MYH14: variants seen among roughly 807,000 people sequenced by gnomAD.
The protein encoded by MYH14 is myosin-14.
MYH14 carries 123 observed loss-of-function variants against 255.5 expected under a neutral mutation model. The observed-to-expected ratio is 0.48, with a 90% CI of 0.42 to 0.56. The LOEUF (loss-of-function observed/expected upper bound fraction) is 0.56, where lower values mean the gene tolerates loss of function less well. Ranked by LOEUF, MYH14 falls within the 20% of genes least tolerant of loss-of-function variation. The probability of loss-of-function intolerance (pLI) is 0.00; values close to 1 mark genes in which losing one functional copy is unlikely to be tolerated. For synonymous variants in MYH14, 1,095 were observed against 1,161.2 expected (o/e 0.94, Z 1.16); for missense variants, 2,423 against 2,802.3 (o/e 0.86, Z 3.06).
intron 35 of MYH14, 26 bp downstream of exon 35, chr19:50,289,674 G>T: frequency 6.3e-7 from 1 of 1,584,422 alleles, no homozygotes; most frequent in Non-Finnish European, 8.6e-7. Context: ...AGGCCACAGG[G>T]TGCCAGTCCA....
intron 9 of MYH14, 130 bp from the exon 10 acceptor site, chr19:50,231,800 T>G (rs1305485053): frequency 2.4e-6 from 3 of 1,247,906 alleles, no homozygotes; most frequent in African/African-American, 3.0e-5. Flanking sequence ...CCCACCACAC[T>G]TGTGAGTAAA....
In MYH14 at chr19:50,292,452, A is replaced by ACAG. The variant is rs2036112492; in HGVS notation, c.5256+63_5256+64insCAG. ...TGGGAGGTGGGCAAGGCTAACCTTGAGGTCCCTGGATGTGAAGCTGGGGAG... is the reference window on the plus strand; with the variant it reads ...TGGGAGGTGGGCAAGGCTAACCTTGACAGGGTCCCTGGATGTGAAGCTGGGGAG... On this transcript the variant is annotated intron_variant, in intron 37 of 42. Coordinates refer to ENST00000642316, the MANE Select transcript of MYH14 (RefSeq NM_001145809.2). 4.5e-6 allele frequency: 6 copies of ACAG among 1,320,702 alleles called. No individual in the cohort carries two copies. The East Asian group carries it at 1.6e-4, about 35-fold the overall frequency. The allele number at this position is 1,320,702 out of a possible 1,614,324, so 81.8% of individuals were successfully genotyped here. A position where few individuals can be genotyped will look rare whatever the true frequency, so the allele number is the denominator to read the frequency against.
At chr19:50,211,240 A>G (rs2032180023) in intron 2 of MYH14, among the ~76,000 whole-genome samples, 1 of 152,158 alleles carries the variant, frequency 6.6e-6, no homozygotes, top group African/African-American at 2.4e-5. Context: ...AGACTGAGGC[A>G]GGAGGATCAC....
chr19:50,229,140 C>T (rs895500399), intron 8 of MYH14, among the ~76,000 whole-genome samples: 4 of 152,298 alleles, frequency 2.6e-5, no homozygotes, highest in Admixed American at 1.3e-4. Flanking sequence ...CCTGCGTGTG[C>T]TCCCTGCCTT....
At chr19:50,241,819 T>C (rs1363738638) in intron 10 of MYH14, among the ~76,000 whole-genome samples, 6 of 152,100 alleles carry the variant, frequency 3.9e-5, no homozygotes, top group Non-Finnish European at 8.8e-5. Context: ...ATTTTTTGTA[T>C]TTTTAGTAGA....
chr19:50,218,478 G>C (rs890175239), intron 3 of MYH14, among the ~76,000 whole-genome samples: 7 of 151,724 alleles, frequency 4.6e-5, no homozygotes, highest in African/African-American at 1.7e-4. Context: ...GGCACCTGTA[G>C]TCCCAGCTAC....
At chr19:50,277,900 A>G (rs1457058229) in intron 29 of MYH14, among the ~76,000 whole-genome samples, 183 bp from the exon 30 acceptor site, 1 of 151,768 alleles carries the variant, frequency 6.6e-6, no homozygotes, top group Non-Finnish European at 1.5e-5. Flanking sequence ...TTGGGCAACA[A>G]GACTGAAGCA....
chr19:50,282,152 A>C (rs1355702899), intron 33 of MYH14, among the ~76,000 whole-genome samples: 7 of 152,228 alleles, frequency 4.6e-5, no homozygotes, highest in Admixed American at 3.9e-4. Flanking sequence ...ATTAAATCAA[A>C]TAACTCATCT....
rs1047138068 is a variant in MYH14 at position 50,266,582 on chromosome 19, AAAGG to A, written c.2695-281_2695-278del. 1.3e-5 allele frequency among the ~76,000 whole-genome samples: 2 copies of A among 151,588 alleles called. No individual in the cohort carries two copies. Among genetic ancestry groups the A allele is most frequent in the Non-Finnish European group, 2.9e-5 (2 of 68,016 alleles). On this transcript the variant is annotated intron_variant, in intron 22 of 42. Transcript: ENST00000642316. This position sits in a 1 kb window ranked among gnomAD's most constrained non-coding sequence, Gnocchi z 4.1. Reference sequence around the variant, plus strand: ...GAAAGGAAGGAAGGAAGGGAGGAAAAAAGGAAGGAAGGAAGGACTGTTCCACAGA... The same window carrying A: ...GAAAGGAAGGAAGGAAGGGAGGAAAAAAGGAAGGAAGGACTGTTCCACAGA...
At position 50,217,776 on chromosome 19, in the gene MYH14, G is replaced by C; in HGVS notation, c.562+5G>C. On this transcript the variant is annotated splice_donor_5th_base_variant and intron_variant, in intron 3 of 42. Coordinates refer to ENST00000642316, the MANE Select transcript of MYH14 (RefSeq NM_001145809.2). ...CCTATCGGAGCATGCTGCAGGGTGAGTGCTGGGTGGGGCTGTAGGCCAGCG... is the reference window on the plus strand; with the variant it reads ...CCTATCGGAGCATGCTGCAGGGTGACTGCTGGGTGGGGCTGTAGGCCAGCG... 6.2e-7 allele frequency: 1 copy of C among 1,612,558 alleles called. No homozygotes were observed. Among genetic ancestry groups the C allele is most frequent in the Non-Finnish European group, 8.5e-7 (1 of 1,179,288 alleles).
At chr19:50,259,066 A>G (rs1600961095) in intron 18 of MYH14, 78 bp from the exon 19 acceptor site, 1 of 1,497,752 alleles carries the variant, frequency 6.7e-7, no homozygotes, top group East Asian at 2.5e-5. Flanking sequence ...ATGTGGAAAC[A>G]GGAAATTGCC....
intron 40 of MYH14, among the ~76,000 whole-genome samples, chr19:50,306,333 C>T (rs1300010884): frequency 6.6e-6 from 1 of 152,150 alleles, no homozygotes; most frequent in Non-Finnish European, 1.5e-5. Flanking sequence ...AGTGCCTTCC[C>T]ACTCGCCCCC....
intron 8 of MYH14, among the ~76,000 whole-genome samples, chr19:50,228,491 C>G (rs1005871751): frequency 6.6e-6 from 1 of 152,074 alleles, no homozygotes; most frequent in Admixed American, 6.6e-5. Flanking sequence ...AGCAGCCAGC[C>G]GGCCCGTTGG....
chr19:50,303,220 G>A (rs2123483203), intron 40 of MYH14, among the ~76,000 whole-genome samples: 1 of 152,284 alleles, frequency 6.6e-6, no homozygotes, highest in Non-Finnish European at 1.5e-5. Flanking sequence ...AGATGGATTT[G>A]CTAATCTTGG....
intron 26 of MYH14, 129 bp from the exon 27 acceptor site, chr19:50,272,428 GGGA>G: frequency 1.1e-6 from 1 of 915,758 alleles, no homozygotes; most frequent in Non-Finnish European, 1.7e-6. Context: ...TGGGGAAGGT[GGGA>G]GGAGGAGAAG....
intron 34 of MYH14, among the ~76,000 whole-genome samples, chr19:50,287,564 C>T (rs1208668772): frequency 6.6e-6 from 1 of 151,950 alleles, no homozygotes; most frequent in Non-Finnish European, 1.5e-5. Flanking sequence ...AGGTGCATTC[C>T]ACCATACCTG....
At chr19:50,289,686 C>T in intron 35 of MYH14, 38 bp downstream of exon 35, 1 of 1,555,694 alleles carries the variant, frequency 6.4e-7, no homozygotes, top group South Asian at 1.2e-5. Context: ...GCCAGTCCAG[C>T]TGGGGTATGC....
chr19:50,251,521 T>TACAC lies in MYH14; in HGVS notation c.1830+879_1830+882dup, dbSNP rs56728213. ...TATACACACATATATATATACACAC[T>TACAC]ACACACACACACACACACACACACA... On this transcript the variant is annotated intron_variant, in intron 15 of 42. Coordinates refer to ENST00000642316, the MANE Select transcript of MYH14 (RefSeq NM_001145809.2). Among the ~76,000 whole-genome samples the TACAC allele has an allele frequency of 3.7e-3, 270 of 72,594 alleles. 5 individuals carry two copies. The highest frequency in any genetic ancestry group is 8.3e-3 in the Middle Eastern group (1 of 120). 47.6% of individuals were successfully genotyped at this position (72,594 alleles called of 152,430 possible).
chr19:50,250,457 AC>A lies in MYH14; in HGVS notation c.1657-56del. 1 of 1,545,248 alleles carries A rather than the reference AC, an allele frequency of 6.5e-7. No individual in the cohort carries two copies. Among genetic ancestry groups the A allele is most frequent in the Non-Finnish European group, 8.8e-7 (1 of 1,132,078 alleles). ...TTATAAGAGCTAAAAATCAGCAGCC[AC>A]CTGAGTGTCCAATATGTGGGGATCT... On this transcript the variant is annotated intron_variant, in intron 14 of 42. Transcript: ENST00000642316. The surrounding 1 kb of genome is among the most constrained non-coding windows in gnomAD (Gnocchi z 5.4).
Sources: gnomAD v4.1 joint callset for allele counts (sites outside exome capture counted in the v4.1 genomes callset) on GRCh38, gnomAD v4.1.1 for gene constraint, Gnocchi (gnomAD v3.1) non-coding constraint, MANE v1.5 for transcripts, NCBI Gene and HGNC (gene_info 2026-07-23, HGNC 2026-07-21) for gene names.